Variants in SPTLC2 observed in about 807,000 individuals in gnomAD.
SPTLC2 encodes the protein serine palmitoyltransferase long chain base subunit 2.
A neutral mutation model predicts 62.0 loss-of-function variants in SPTLC2; 21 were observed. That is an observed-to-expected ratio of 0.34 (90% confidence interval 0.24 to 0.49). The LOEUF (loss-of-function observed/expected upper bound fraction) is 0.49. Among genes scored for constraint, SPTLC2 ranks in the 20% least tolerant of loss-of-function variants. The pLI is 0.99. For synonymous variants in SPTLC2, 261 were observed against 261.8 expected (o/e 1.00, Z 0.03); for missense variants, 511 against 713.0 (o/e 0.72, Z 3.23).
chr14:77,545,119 C>T (rs1477573359), intron 9 of SPTLC2, among the ~76,000 whole-genome samples: 2 of 151,996 alleles, frequency 1.3e-5, no homozygotes, highest in Admixed American at 1.3e-4. Context: ...TTCTTTAACA[C>T]CTCACTCTAC....
intron 5 of SPTLC2, among the ~76,000 whole-genome samples, chr14:77,563,841 C>T (rs1440204669): frequency 6.6e-6 from 1 of 152,158 alleles, no homozygotes; most frequent in Non-Finnish European, 1.5e-5. Context: ...TTATTTATTA[C>T]AGAATATTCT....
At position 77,509,863 on chromosome 14, in the gene SPTLC2, A is replaced by G; in HGVS notation, c.*2421T>C. ...TGTAACAAAATTACACTTATCTTGAAATAACTTTGTACCAACAAAGTGATA... is the reference window on the plus strand; with the variant it reads ...TGTAACAAAATTACACTTATCTTGAGATAACTTTGTACCAACAAAGTGATA... On this transcript the variant is annotated 3_prime_UTR_variant, in exon 12 of 12. Coordinates refer to ENST00000216484, the MANE Select transcript of SPTLC2 (RefSeq NM_004863.4). 2.5e-6 allele frequency: 1 copy of G among 398,432 alleles called. No homozygotes were observed. The highest frequency in any genetic ancestry group is 4.4e-6 in the Non-Finnish European group (1 of 225,970). The allele number at this position is 398,432 out of a possible 1,614,324, so 24.7% of individuals were successfully genotyped here.
At chr14:77,534,415 G>A (rs1279566587) in intron 9 of SPTLC2, among the ~76,000 whole-genome samples, 4 of 152,056 alleles carry the variant, frequency 2.6e-5, no homozygotes, top group Admixed American at 6.5e-5. Flanking sequence ...TACATACAGC[G>A]GTTGTGGATA....
At chr14:77,589,028 A>AACAC (rs1258222926) in intron 2 of SPTLC2, among the ~76,000 whole-genome samples, 5 of 118,528 alleles carry the variant, frequency 4.2e-5, no homozygotes, top group African/African-American at 1.7e-4. Context: ...AAAAAAAAAA[A>AACAC]ACACACAAAG....
At chr14:77,599,466 C>A (rs2299924) in intron 1 of SPTLC2, among the ~76,000 whole-genome samples, 1 of 151,958 alleles carries the variant, frequency 6.6e-6, no homozygotes, top group East Asian at 1.9e-4. Context: ...ATCCTATCCC[C>A]GTAATGTTAG....
At position 77,613,496 on chromosome 14, in the gene SPTLC2, T is replaced by C. The variant is rs536091618; in HGVS notation, c.132+2952A>G. ...ATCACTAAACAGCAATGTGTGATTG[T>C]TTCATAACTCCTTAACACAGCATCT... On this transcript the variant is annotated intron_variant, in intron 1 of 11. Coordinates refer to ENST00000216484, the MANE Select transcript of SPTLC2 (RefSeq NM_004863.4). 3.2e-4 allele frequency among the ~76,000 whole-genome samples: 48 copies of C among 152,362 alleles called. 1 individual carries two copies. In the South Asian group the frequency reaches 8.9e-3, roughly 28 times the overall value.
chr14:77,515,695 G>GC (rs751459468), intron 11 of SPTLC2, among the ~76,000 whole-genome samples: 151 of 151,828 alleles, frequency 9.9e-4, no homozygotes, highest in Non-Finnish European at 1.6e-3. Context: ...GATTACAGGT[G>GC]CCCCCCACCA....
At chr14:77,584,298 G>A (rs922052202) in intron 2 of SPTLC2, among the ~76,000 whole-genome samples, 1 of 152,076 alleles carries the variant, frequency 6.6e-6, no homozygotes, top group Non-Finnish European at 1.5e-5. Flanking sequence ...TCTAACAACT[G>A]TCCCTTTGTT....
intron 9 of SPTLC2, among the ~76,000 whole-genome samples, chr14:77,549,782 G>T (rs1484001193): frequency 6.6e-6 from 1 of 152,166 alleles, no homozygotes; most frequent in Non-Finnish European, 1.5e-5. Context: ...TAATTACCAT[G>T]TTTCATTTTC....
chr14:77,562,481 C>G lies in SPTLC2; in HGVS notation c.765G>C (p.Leu255=). 6.2e-7 allele frequency: 1 copy of G among 1,614,038 alleles called. No homozygotes were observed. The highest frequency in any genetic ancestry group is 8.5e-7 in the Non-Finnish European group (1 of 1,179,928). Residue 255 remains leucine (L), a synonymous_variant, in exon 6 of 12, where the codon CTG becomes CTC. Coordinates refer to ENST00000216484, the MANE Select transcript of SPTLC2 (RefSeq NM_004863.4). ...NIPALVGKGC[L]ILSDELNHAS... ...CATGATTCAGTTCATCACTCAGAAT[C>G]AGGCAACCCTGCAACATCACAGGAA...
At chr14:77,528,150 C>A (rs1473420849) in intron 9 of SPTLC2, among the ~76,000 whole-genome samples, 1 of 152,134 alleles carries the variant, frequency 6.6e-6, no homozygotes, top group African/African-American at 2.4e-5. Flanking sequence ...AAAATTACTG[C>A]TACTCCTCCA....
At chr14:77,519,873 T>G (rs1337210144) in intron 10 of SPTLC2, among the ~76,000 whole-genome samples, 1 of 147,270 alleles carries the variant, frequency 6.8e-6, no homozygotes, top group Non-Finnish European at 1.5e-5. Flanking sequence ...TTCTAATTCT[T>G]TACCTTCTCT....
At chr14:77,579,239 T>C in intron 2 of SPTLC2, 130 bp from the exon 3 acceptor site, 1 of 883,602 alleles carries the variant, frequency 1.1e-6, no homozygotes, top group Non-Finnish European at 1.8e-6. Flanking sequence ...CGTGCAAGAT[T>C]GTGTAATGGA....
At chr14:77,535,318 T>C (rs1251168037) in intron 9 of SPTLC2, among the ~76,000 whole-genome samples, 1 of 150,920 alleles carries the variant, frequency 6.6e-6, no homozygotes, top group African/African-American at 2.4e-5. Context: ...AGGGGAAGAG[T>C]GGGATAGAGG....
intron 9 of SPTLC2, 148 bp from the exon 10 acceptor site, chr14:77,521,729 A>G (rs1375103404): frequency 6.9e-6 from 5 of 721,060 alleles, no homozygotes; most frequent in African/African-American, 1.8e-5. Context: ...AGAGTAAACC[A>G]TATGGAATAT....
chr14:77,517,044 C>T (rs1436360018), intron 11 of SPTLC2, among the ~76,000 whole-genome samples: 3 of 152,132 alleles, frequency 2.0e-5, no homozygotes, highest in African/African-American at 4.8e-5. Flanking sequence ...GTCGGGAGTT[C>T]GAGACCAGCC....
chr14:77,541,876 G>C (rs1289299704), intron 9 of SPTLC2, among the ~76,000 whole-genome samples: 1 of 152,172 alleles, frequency 6.6e-6, no homozygotes, highest in Non-Finnish European at 1.5e-5. Flanking sequence ...GGCCAACATG[G>C]AGAAACCCCG....
intron 8 of SPTLC2, 132 bp downstream of exon 8, chr14:77,555,168 T>A: frequency 2.2e-6 from 2 of 909,496 alleles, no homozygotes; most frequent in Non-Finnish European, 1.8e-6. Context: ...AGTCACTCAC[T>A]GGTATTATGA....
At chr14:77,554,165 G>T (rs1359903083) in intron 8 of SPTLC2, among the ~76,000 whole-genome samples, 1 of 152,150 alleles carries the variant, frequency 6.6e-6, no homozygotes, top group Non-Finnish European at 1.5e-5. Flanking sequence ...GCAAAATTAA[G>T]AACATTTATG....
Sources: gnomAD v4.1 joint callset for allele counts (sites outside exome capture counted in the v4.1 genomes callset) on GRCh38, gnomAD v4.1.1 for gene constraint, MANE v1.5 for transcripts, NCBI Gene and HGNC (gene_info 2026-07-23, HGNC 2026-07-21) for gene names.